The following CCDC18 variants were observed in gnomAD, a reference collection of about 807,000 sequenced individuals.
The protein encoded by CCDC18 is coiled-coil domain containing 18.
A neutral mutation model predicts 196.0 loss-of-function variants in CCDC18; 157 were observed. The observed-to-expected ratio is 0.80, with a 90% CI of 0.70 to 0.91. The LOEUF is 0.91. Among genes scored for constraint, CCDC18 ranks in the 40% least tolerant of loss-of-function variants. The pLI is 0.00. For synonymous variants in CCDC18, 482 were observed against 529.2 expected (o/e 0.91, Z 1.22); for missense variants, 1,465 against 1,611.6 (o/e 0.91, Z 1.56).
intron 27 of CCDC18, among the ~76,000 whole-genome samples, chr1:93,265,391 GA>G (rs1262051734): frequency 5.3e-5 from 8 of 152,196 alleles, no homozygotes; most frequent in African/African-American, 1.9e-4. Flanking sequence ...TGAGTCTTAA[GA>G]AAAAGTTGAA....
intron 5 of CCDC18, among the ~76,000 whole-genome samples, 170 bp downstream of exon 5, chr1:93,192,276 G>A (rs72957220): frequency 0.1 from 15,888 of 152,212 alleles, 2,088 homozygotes; most frequent in African/African-American, 0.31. Flanking sequence ...CCTCTTGGCT[G>A]TAGGTTGCAT....
At chr1:93,214,251 G>T (rs911153240) in intron 11 of CCDC18, among the ~76,000 whole-genome samples, 3 of 152,110 alleles carry the variant, frequency 2.0e-5, no homozygotes, top group African/African-American at 7.2e-5. Context: ...AAGCATCACT[G>T]AATTCTCATT....
chr1:93,210,681 T>C, intron 9 of CCDC18, 121 bp from the exon 10 acceptor site: 1 of 638,294 alleles, frequency 1.6e-6, no homozygotes, highest in Non-Finnish European at 2.7e-6. Flanking sequence ...TATTCTCCTA[T>C]TGATGGACAT....
chr1:93,182,648 A>G (rs1649928151), intron 1 of CCDC18, among the ~76,000 whole-genome samples: 1 of 152,182 alleles, frequency 6.6e-6, no homozygotes, highest in Non-Finnish European at 1.5e-5. Context: ...TCACAACCCT[A>G]GAGATACTCA....
chr1:93,192,672 A>G (rs1226922149), intron 5 of CCDC18, among the ~76,000 whole-genome samples: 1 of 152,242 alleles, frequency 6.6e-6, no homozygotes, highest in Non-Finnish European at 1.5e-5. Context: ...TCCTGGCCTC[A>G]AGCAGTCGTC....
At chr1:93,260,006 G>A (rs1255457851) in intron 26 of CCDC18, among the ~76,000 whole-genome samples, 1 of 152,158 alleles carries the variant, frequency 6.6e-6, no homozygotes, top group Non-Finnish European at 1.5e-5. Context: ...TTAAAAAAGT[G>A]ATGGGGTCTG....
chr1:93,262,868 T>C (rs1434340425), intron 26 of CCDC18, among the ~76,000 whole-genome samples: 1 of 152,118 alleles, frequency 6.6e-6, no homozygotes, highest in Non-Finnish European at 1.5e-5. Flanking sequence ...AGCAGACTTC[T>C]GCTTGGACTT....
At chr1:93,184,207 A>G in intron 3 of CCDC18, 61 bp downstream of exon 3, 3 of 973,208 alleles carry the variant, frequency 3.1e-6, no homozygotes, top group Non-Finnish European at 4.1e-6. Flanking sequence ...GTCTACTTAA[A>G]AAAAATTTTT....
At chr1:93,231,630 G>A (rs867335626) in intron 17 of CCDC18, among the ~76,000 whole-genome samples, 41 of 152,068 alleles carry the variant, frequency 2.7e-4, no homozygotes, top group African/African-American at 8.7e-4. Context: ...TAGGACAAAG[G>A]GAATTTATTT....
At chr1:93,218,778 G>A (rs1257419028) in intron 14 of CCDC18, among the ~76,000 whole-genome samples, 1 of 151,766 alleles carries the variant, frequency 6.6e-6, no homozygotes, top group African/African-American at 2.4e-5. Flanking sequence ...AATGTGCCTG[G>A]CTCACGCAGA....
intron 11 of CCDC18, among the ~76,000 whole-genome samples, chr1:93,212,822 G>A (rs1233311551): frequency 6.6e-6 from 1 of 152,086 alleles, no homozygotes. Context: ...TGATTCAAAC[G>A]CATGACATTT....
chr1:93,265,135 G>A (rs1256977992), intron 27 of CCDC18, among the ~76,000 whole-genome samples: 1 of 152,110 alleles, frequency 6.6e-6, no homozygotes, highest in Non-Finnish European at 1.5e-5. Context: ...TAATCATAAT[G>A]TTTAGAGGGT....
chr1:93,233,798 A>T (rs972772817), intron 18 of CCDC18, among the ~76,000 whole-genome samples: 1 of 152,052 alleles, frequency 6.6e-6, no homozygotes, highest in Non-Finnish European at 1.5e-5. Flanking sequence ...GGGTTTCTCC[A>T]TGTTGGTCAG....
chr1:93,183,931 G>T, intron 2 of CCDC18, 47 bp from the exon 3 acceptor site: 1 of 1,262,612 alleles, frequency 7.9e-7, no homozygotes. Flanking sequence ...AATTTGTAGT[G>T]AATAAACTAT....
At chr1:93,183,303 T>C in intron 1 of CCDC18, 57 bp from the exon 2 acceptor site, 1 of 1,270,038 alleles carries the variant, frequency 7.9e-7, no homozygotes, top group Non-Finnish European at 1.1e-6. Flanking sequence ...GTGAGTATTT[T>C]GACTGAAACT....
intron 21 of CCDC18, among the ~76,000 whole-genome samples, chr1:93,240,976 T>TA (rs1660698305): frequency 1.3e-5 from 2 of 151,978 alleles, no homozygotes; most frequent in Admixed American, 6.6e-5. Flanking sequence ...TATATATATA[T>TA]TTTTTTTCAG....
rs532452922 is a variant in CCDC18 at position 93,245,495 on chromosome 1, G to A, written c.2982-610G>A. On this transcript the variant is annotated intron_variant, in intron 21 of 28. Transcript: ENST00000690025. ...AACCTTTGTCTTATCAGAACTTAGAGTTTCAAATTATTCTCTGATCACAGG... is the reference window on the plus strand; with the variant it reads ...AACCTTTGTCTTATCAGAACTTAGAATTTCAAATTATTCTCTGATCACAGG... Among the ~76,000 whole-genome samples the A allele has an allele frequency of 2.0e-5, 3 of 152,180 alleles. No individual in the cohort carries two copies. The South Asian group carries it at 6.2e-4, about 32-fold the overall frequency.
In CCDC18 at chr1:93,184,142, A is replaced by G. The variant is rs1650224716; in HGVS notation, c.299A>G (p.Asp100Gly). The G allele has an allele frequency of 1.3e-6, 2 of 1,506,410 alleles. No homozygotes were observed. The highest frequency in any genetic ancestry group is 1.8e-4 in the Middle Eastern group (1 of 5,664). 93.3% of individuals were successfully genotyped at this position (1,506,410 alleles called of 1,614,324 possible). Reference protein sequence around the residue: ...SSTDFQKKPRDKMFSSSAPVD... With the variant: ...SSTDFQKKPRGKMFSSSAPVD... ...ACTGATTTTCAAAAAAAGCCAAGAG[A>G]TAAGGTTATTGTTTTTAGACCTATC... The change falls in exon 3 of 29, where the codon GAT becomes GGT. Residue 100 changes from aspartate (D) to glycine (G), a missense_variant. Physicochemically the swap from Asp to Gly is moderately conservative, Grantham distance 94. Coordinates refer to ENST00000690025, the MANE Select transcript of CCDC18 (RefSeq NM_001378204.1).
intron 25 of CCDC18, among the ~76,000 whole-genome samples, chr1:93,257,893 G>C (rs1663224210): frequency 6.6e-6 from 1 of 151,730 alleles, no homozygotes; most frequent in African/African-American, 2.4e-5. Context: ...CTTTGATGTA[G>C]GGCCAAACCT....
Sources: allele counts gnomAD v4.1 joint callset (sites outside exome capture counted in the v4.1 genomes callset), GRCh38; gene constraint gnomAD v4.1.1; transcripts MANE v1.5; gene names NCBI Gene and HGNC (gene_info 2026-07-23, HGNC 2026-07-21).